The following MEF2A variants were observed in gnomAD, a reference collection of about 807,000 sequenced individuals.
MEF2A encodes the protein myocyte-specific enhancer factor 2A.
MEF2A carries 28 observed loss-of-function variants against 55.8 expected under a neutral mutation model. The observed-to-expected ratio is 0.50, with a 90% CI of 0.37 to 0.69. MEF2A has a LOEUF of 0.69. MEF2A is among the 30% of genes least tolerant of loss of function. The probability of loss-of-function intolerance (pLI) is 0.00; values close to 1 mark genes in which losing one functional copy is unlikely to be tolerated. For synonymous variants in MEF2A, 239 were observed against 227.1 expected (o/e 1.05, Z -0.47); for missense variants, 528 against 626.2 (o/e 0.84, Z 1.67).
At chr15:99,581,969 T>G (rs539704293) in intron 1 of MEF2A, among the ~76,000 whole-genome samples, 1 of 152,078 alleles carries the variant, frequency 6.6e-6, no homozygotes, top group African/African-American at 2.4e-5. Flanking sequence ...TTGGCTAGAT[T>G]GGAGGGTTTT....
chr15:99,681,465 A>G (rs1184973867), intron 7 of MEF2A, among the ~76,000 whole-genome samples: 1 of 152,212 alleles, frequency 6.6e-6, no homozygotes, highest in Non-Finnish European at 1.5e-5. Flanking sequence ...GGAAAGATAA[A>G]GCAGAAACCC....
chr15:99,700,431 G>A (rs954262957), intron 8 of MEF2A, among the ~76,000 whole-genome samples: 1 of 151,706 alleles, frequency 6.6e-6, no homozygotes, highest in Non-Finnish European at 1.5e-5. Context: ...AGGATCGCTT[G>A]AGCCCAGGAA....
At chr15:99,588,326 A>G (rs949655255) in intron 1 of MEF2A, among the ~76,000 whole-genome samples, 2 of 151,826 alleles carry the variant, frequency 1.3e-5, no homozygotes, top group Admixed American at 6.6e-5. Context: ...TTTTTTGAGA[A>G]GGAGTCTCAC....
At chr15:99,615,106 T>C (rs2153224323) in intron 2 of MEF2A, among the ~76,000 whole-genome samples, 1 of 152,186 alleles carries the variant, frequency 6.6e-6, no homozygotes, top group African/African-American at 2.4e-5. Context: ...ATGCTTAGGG[T>C]AAAGGTGAAC....
intron 2 of MEF2A, among the ~76,000 whole-genome samples, chr15:99,627,312 C>T (rs150579967): frequency 8.1e-4 from 120 of 148,540 alleles, no homozygotes; most frequent in South Asian, 8.6e-4. Context: ...CCCAGGTACT[C>T]GGGAGGCTGA....
At chr15:99,690,580 A>C (rs1386864392) in intron 8 of MEF2A, 152 bp downstream of exon 8, 10 of 789,314 alleles carry the variant, frequency 1.3e-5, no homozygotes, top group Non-Finnish European at 2.2e-5. Flanking sequence ...TGAAGAGACA[A>C]GTCTATTTCA....
At chr15:99,671,107 TC>T (rs980091594) in intron 4 of MEF2A, among the ~76,000 whole-genome samples, 1 of 152,236 alleles carries the variant, frequency 6.6e-6, no homozygotes, top group African/African-American at 2.4e-5. Context: ...AAACAAATAT[TC>T]CTTTTCTCTT....
intron 2 of MEF2A, among the ~76,000 whole-genome samples, chr15:99,606,486 C>A (rs1975167941): frequency 6.6e-6 from 1 of 152,036 alleles, no homozygotes; most frequent in African/African-American, 2.4e-5. Flanking sequence ...GTACCTTTAA[C>A]AGACAAAAGA....
chr15:99,658,044 A>G (rs115653677), intron 4 of MEF2A, among the ~76,000 whole-genome samples: 295 of 152,306 alleles, frequency 1.9e-3, no homozygotes, highest in African/African-American at 6.7e-3. Context: ...ATAGAGCATC[A>G]TACAAAGATG....
At chr15:99,675,323 T>C (rs1269534942) in intron 6 of MEF2A, 76 bp from the exon 7 acceptor site, 4 of 1,224,426 alleles carry the variant, frequency 3.3e-6, no homozygotes, top group Non-Finnish European at 4.9e-6. Context: ...CTCTATTCAG[T>C]TCACGTTCAG....
intron 4 of MEF2A, among the ~76,000 whole-genome samples, chr15:99,658,078 C>T (rs957133386): frequency 6.6e-5 from 10 of 152,046 alleles, no homozygotes; most frequent in African/African-American, 2.4e-4. Flanking sequence ...GAAAACAAGG[C>T]ACAGTGAGGA....
At chr15:99,676,269 T>C (rs2052004533) in intron 7 of MEF2A, among the ~76,000 whole-genome samples, 1 of 152,116 alleles carries the variant, frequency 6.6e-6, no homozygotes, top group South Asian at 2.1e-4. Context: ...TGTGGGAAAA[T>C]ACATAAAGGT....
At chr15:99,651,199 G>A (rs1282168435) in intron 4 of MEF2A, among the ~76,000 whole-genome samples, 1 of 152,132 alleles carries the variant, frequency 6.6e-6, no homozygotes, top group Admixed American at 6.6e-5. Flanking sequence ...TCTTTGAGGG[G>A]TGCTTCTTTG....
chr15:99,576,792 C>T (rs557459684), intron 1 of MEF2A, among the ~76,000 whole-genome samples: 111 of 152,156 alleles, frequency 7.3e-4, no homozygotes, highest in Non-Finnish European at 1.4e-3. Context: ...AGGCGCCTGC[C>T]ACCGCGCCCG....
At chr15:99,670,617 A>T (rs1567388163) in intron 4 of MEF2A, among the ~76,000 whole-genome samples, 1 of 148,220 alleles carries the variant, frequency 6.7e-6, no homozygotes, top group Non-Finnish European at 1.5e-5. Flanking sequence ...CTCAAAAAAG[A>T]AAAAAAAAAA....
chr15:99,583,268 A>C (rs1966461927), intron 1 of MEF2A, among the ~76,000 whole-genome samples: 1 of 152,108 alleles, frequency 6.6e-6, no homozygotes, highest in South Asian at 2.1e-4. Context: ...GCATTCCTCA[A>C]ATGTCCTCTG....
chr15:99,626,848 C>T (rs1049271430), intron 2 of MEF2A, among the ~76,000 whole-genome samples: 8 of 151,944 alleles, frequency 5.3e-5, no homozygotes, highest in East Asian at 3.8e-4. Flanking sequence ...GTCATCTAAC[C>T]GAAAGCGAAG....
intron 11 of MEF2A, among the ~76,000 whole-genome samples, chr15:99,711,249 T>G (rs140644490): frequency 6.6e-6 from 1 of 152,294 alleles, no homozygotes; most frequent in East Asian, 1.9e-4. Flanking sequence ...GCTGGAGCTT[T>G]TGCTTTCTCC....
At chr15:99,711,227 A>G (rs2058606850) in intron 11 of MEF2A, among the ~76,000 whole-genome samples, 1 of 152,200 alleles carries the variant, frequency 6.6e-6, no homozygotes, top group Non-Finnish European at 1.5e-5. Context: ...GTAGACAAGA[A>G]TAGGAAGACA....
Sources: gnomAD v4.1 joint callset for allele counts (sites outside exome capture counted in the v4.1 genomes callset) on GRCh38, gnomAD v4.1.1 for gene constraint, MANE v1.5 for transcripts, NCBI Gene and HGNC (gene_info 2026-07-23, HGNC 2026-07-21) for gene names.